ASPM: variants seen among roughly 807,000 people sequenced by gnomAD.
The protein encoded by ASPM is abnormal spindle-like microcephaly-associated protein.
A neutral mutation model predicts 366.4 loss-of-function variants in ASPM; 256 were observed. The ratio of observed to expected loss-of-function variants is 0.70; its 90% CI spans 0.63 to 0.77. The LOEUF is 0.77. Ranked by LOEUF, ASPM falls within the 30% of genes least tolerant of loss-of-function variation. The pLI, the probability that ASPM is intolerant of heterozygous loss-of-function variation, is 0.00. For synonymous variants in ASPM, 1,414 were observed against 1,342.9 expected (o/e 1.05, Z -1.16); for missense variants, 4,146 against 4,090.4 (o/e 1.01, Z -0.37).
rs1184231683 is a variant in ASPM at position 197,084,362 on chromosome 1, T to C, written c.10396A>G (p.Ile3466Val). 3 of 1,612,992 alleles carry C rather than the reference T, an allele frequency of 1.9e-6. No homozygotes were observed. Among genetic ancestry groups the C allele is most frequent in the East Asian group, 2.2e-5 (1 of 44,796 alleles). ...CCAAGCGTATCCATCACCATTTGAA[T>C]AGCTTGCAGGGGATTTGTGATTTCT... is the stretch of plus-strand genomic sequence containing the variant. ...MEEITNPLQA[I>V]QMVMDTLGIP... The change falls in exon 28 of 28, where the codon ATT (isoleucine) becomes GTT (valine). Residue 3466 changes from isoleucine to valine, a missense_variant. Coordinates refer to ENST00000367409, the MANE Select transcript of ASPM (RefSeq NM_018136.5).
At chr1:197,113,312 T>C (rs969349287) in intron 17 of ASPM, among the ~76,000 whole-genome samples, 4 of 152,114 alleles carry the variant, frequency 2.6e-5, no homozygotes, top group Admixed American at 1.3e-4. Flanking sequence ...CTTAATGACA[T>C]GCAATTTACC....
chr1:197,115,708 A>G (rs1351931031), intron 17 of ASPM, among the ~76,000 whole-genome samples: 1 of 152,208 alleles, frequency 6.6e-6, no homozygotes, highest in African/African-American at 2.4e-5. Flanking sequence ...ATTAACAGTA[A>G]TATTTTAAAA....
rs146122230 is a variant in ASPM, at chr1:197,091,846, T to C, written c.9444+61A>G. The C allele has an allele frequency of 7.9e-4, 1,213 of 1,533,408 alleles. 10 individuals carry two copies. The African/African-American group carries it at 0.014, about 18-fold the overall frequency. 95.0% of individuals were successfully genotyped at this position (1,533,408 alleles called of 1,614,324 possible). ...AAGCATTTGGAAATTGTTTATTACA[T>C]ATCAAAAATTTCTAACAGAAAAATT... On this transcript the variant is annotated intron_variant, in intron 22 of 27. Transcript: ENST00000367409.
At chr1:197,128,414 T>C (rs2125107025) in intron 10 of ASPM, 76 bp downstream of exon 10, 1 of 1,429,460 alleles carries the variant, frequency 7.0e-7, no homozygotes, top group Non-Finnish European at 9.9e-7. Flanking sequence ...CAAGATTGAA[T>C]AATTACAAAA....
intron 27 of ASPM, 46 bp from the exon 28 acceptor site, chr1:197,084,472 T>A (rs190732818): frequency 8.2e-6 from 11 of 1,341,218 alleles, no homozygotes; most frequent in Non-Finnish European, 1.2e-5. Flanking sequence ...AGTTCTTCTC[T>A]TTAGAGTTAC....
intron 1 of ASPM, among the ~76,000 whole-genome samples, chr1:197,144,370 G>A (rs1412835067): frequency 1.3e-5 from 2 of 152,054 alleles, no homozygotes; most frequent in African/African-American, 4.8e-5. Flanking sequence ...AAATCATTTT[G>A]TTTGAGTGGT....
Position 197,119,953 on chromosome 1 carries a change from A to T in ASPM, c.3870+1962T>A, listed in dbSNP as rs191992673. Among the ~76,000 whole-genome samples the T allele has an allele frequency of 1.6e-3, 249 of 152,294 alleles. 3 individuals are homozygous for T. The highest frequency in any genetic ancestry group is 1.7e-3 in the Non-Finnish European group (114 of 68,024). On this transcript the variant is annotated intron_variant, in intron 16 of 27. Transcript: ENST00000367409. The stretch of plus-strand genomic sequence containing the variant: ...AAGTTAATATGTTTAGTAGCTTGCA[A>T]TAACATAGGGAGCCTGCTGCTTAAT...
chr1:197,090,430 T>C (rs1361684470), intron 23 of ASPM, 42 bp from the exon 24 acceptor site: 1 of 1,443,840 alleles, frequency 6.9e-7, no homozygotes, highest in Non-Finnish European at 9.6e-7. Flanking sequence ...TTATAGCCAA[T>C]GTTTTCTATT....
rs1399230603 is a variant in ASPM, at chr1:197,144,152, CA to C, written c.298-53del. 3.9e-6 allele frequency: 5 copies of C among 1,289,856 alleles called. No homozygotes were observed. In the East Asian group the frequency reaches 9.5e-5, roughly 25 times the overall value. 79.9% of individuals were successfully genotyped at this position (1,289,856 alleles called of 1,614,324 possible). A position where few individuals can be genotyped will look rare whatever the true frequency, so the allele number is the denominator to read the frequency against. On this transcript the variant is annotated intron_variant, in intron 1 of 27. Transcript: ENST00000367409. ...ATTACAATAGTAATTACATAATAAC[CA>C]AAACACCTTATATACAACTTACAAT...
At chr1:197,087,137 C>T (rs965671417) in intron 26 of ASPM, among the ~76,000 whole-genome samples, 165 bp from the exon 27 acceptor site, 10 of 151,670 alleles carry the variant, frequency 6.6e-5, no homozygotes, top group African/African-American at 1.7e-4. Context: ...TGCAGTGGTG[C>T]GATCTTAGCT....
chr1:197,124,778 T>G (rs1391554999), intron 12 of ASPM, 92 bp downstream of exon 12: 4 of 1,017,986 alleles, frequency 3.9e-6, no homozygotes, highest in East Asian at 2.4e-5. Flanking sequence ...AAATGATGGT[T>G]GTTGTTGTTA....
In ASPM at chr1:197,091,059, T is replaced by C; in HGVS notation, c.9445-18A>G. On this transcript the variant is annotated intron_variant, in intron 22 of 27. Transcript: ENST00000367409. ...AACCATCTCTGTTTAAAACATAGAA[T>C]TTTGTTTTTCATTTCTACTTCAGGT... is the stretch of plus-strand genomic sequence containing the variant. The C allele has an allele frequency of 1.9e-6, 3 of 1,590,930 alleles. No homozygotes were observed. Among genetic ancestry groups the C allele is most frequent in the South Asian group, 1.1e-5 (1 of 89,970 alleles).
chr1:197,127,202 A>G (rs1034936033), intron 10 of ASPM, among the ~76,000 whole-genome samples: 9 of 152,208 alleles, frequency 5.9e-5, no homozygotes, highest in African/African-American at 1.7e-4. Flanking sequence ...AAAGAAATTA[A>G]AAAGTATATC....
chr1:197,126,050 C>T (rs1275315612), intron 10 of ASPM, among the ~76,000 whole-genome samples: 4 of 152,084 alleles, frequency 2.6e-5, no homozygotes, highest in Non-Finnish European at 5.9e-5. Context: ...TTTGGTTATA[C>T]AAGATTGATC....
At chr1:197,122,071 C>T (rs748717921) in intron 15 of ASPM, 28 bp from the exon 16 acceptor site, 1 of 1,607,422 alleles carries the variant, frequency 6.2e-7, no homozygotes, top group Admixed American at 1.7e-5. Flanking sequence ...AAGATAAAAA[C>T]AGAATATCAA....
chr1:197,117,617 G>C (rs1297443653), intron 17 of ASPM, among the ~76,000 whole-genome samples, 172 bp downstream of exon 17: 1 of 152,100 alleles, frequency 6.6e-6, no homozygotes, highest in Non-Finnish European at 1.5e-5. Flanking sequence ...TTATGTTTCA[G>C]CCTTCTGCTG....
chr1:197,122,533 G>A lies in ASPM; in HGVS notation c.3453C>T (p.Tyr1151=). 1 of 1,613,336 alleles carries A rather than the reference G, an allele frequency of 6.2e-7. No homozygotes were observed. Among genetic ancestry groups the A allele is most frequent in the Non-Finnish European group, 8.5e-7 (1 of 1,179,636 alleles). ...CGTCAAATGGCACATAGCAAGGATG[G>A]TAATGGTGGATCAGGTAACATAACA... ...GRVLCYLIHH[Y]HPCYVPFDAI... The change falls in exon 14 of 28, where the codon TAC becomes TAT. Residue 1151 remains tyrosine, a synonymous_variant. Transcript: ENST00000367409.
chr1:197,101,434 GTC>G lies in ASPM; in HGVS notation c.7815_7816del (p.Glu2605AspfsTer31). 6.2e-7 allele frequency: 1 copy of G among 1,608,606 alleles called. No individual in the cohort carries two copies. The highest frequency in any genetic ancestry group is 8.5e-7 in the Non-Finnish European group (1 of 1,178,972). Reference sequence around the variant, plus strand: ...GTCCTGAAAACCTGCCTGAACACAAGTCTCTTTCTTAAGTTCATTGTGTTGAA... The same window carrying G: ...GTCCTGAAAACCTGCCTGAACACAAGTCTTTCTTAAGTTCATTGTGTTGAA... On this transcript the variant is annotated frameshift_variant, in exon 18 of 28. Transcript: ENST00000367409. LOFTEE classifies it high-confidence loss of function.
intron 12 of ASPM, among the ~76,000 whole-genome samples, 177 bp downstream of exon 12, chr1:197,124,693 A>G (rs893328475): frequency 6.6e-6 from 1 of 151,480 alleles, no homozygotes; most frequent in Non-Finnish European, 1.5e-5. Flanking sequence ...ATTGAAATAT[A>G]TATATATATA....
Sources: allele counts gnomAD v4.1 joint callset (sites outside exome capture counted in the v4.1 genomes callset), GRCh38; gene constraint gnomAD v4.1.1; transcripts MANE v1.5; gene names NCBI Gene and HGNC (gene_info 2026-07-23, HGNC 2026-07-21).